LAYN: variants seen among roughly 807,000 people sequenced by gnomAD.
LAYN encodes layilin.
In LAYN, 38 loss-of-function variants were observed where a neutral mutation model predicts 43.6. That is an observed-to-expected ratio of 0.87 (90% CI 0.67 to 1.14). LAYN has a LOEUF of 1.14. LAYN is among the 50% of genes most tolerant of loss of function. The pLI is 0.00. For missense variants in LAYN, 479 were observed against 463.8 expected, an observed-to-expected ratio of 1.03 and a Z score of -0.30; for synonymous variants, 168 against 172.9, an observed-to-expected ratio of 0.97 and a Z score of 0.22.
intron 6 of LAYN, among the ~76,000 whole-genome samples, chr11:111,559,193 G>T (rs1450980691): frequency 6.6e-6 from 1 of 152,110 alleles, no homozygotes; most frequent in South Asian, 2.1e-4. Context: ...TATGTGATTA[G>T]TAATACATGT....
chr11:111,552,287 C>G (rs770744033), intron 3 of LAYN, among the ~76,000 whole-genome samples: 3 of 152,138 alleles, frequency 2.0e-5, no homozygotes, highest in Non-Finnish European at 4.4e-5. Flanking sequence ...CTATAAGGAT[C>G]GTAGCACCTC....
At chr11:111,541,080 T>G (rs1319561636) in intron 1 of LAYN, 152 bp downstream of exon 1, 2 of 728,714 alleles carry the variant, frequency 2.7e-6, no homozygotes, top group Non-Finnish European at 4.4e-6. Context: ...TCTTGCGTTC[T>G]GGGGGCAGTC....
chr11:111,541,630 CG>C, intron 1 of LAYN: 13 of 1,513,796 alleles, frequency 8.6e-6, no homozygotes, highest in Non-Finnish European at 1.2e-5. Context: ...TTCTGCATGT[CG>C]GGGGGAGAAC....
chr11:111,554,562 G>T lies in LAYN; in HGVS notation c.543G>T (p.Glu181Asp). 1 of 1,612,368 alleles carries T rather than the reference G, an allele frequency of 6.2e-7. No homozygotes were observed. Residue 181 changes from glutamate (E) to aspartate (D), a missense_variant and splice_region_variant, in exon 4 of 7, where the codon GAG becomes GAT. Coordinates refer to ENST00000375614, the MANE Select transcript of LAYN (RefSeq NM_178834.5). ...TGTTTTTGTTTCTTTCTACTACAGA[G>T]AAACCAGCAGTTCCTTCTAGAGAAG... Reference protein sequence around the residue: ...KNNFICKYSDEKPAVPSREAE... With the variant: ...KNNFICKYSDDKPAVPSREAE...
chr11:111,541,352 A>C, intron 1 of LAYN: 1 of 611,696 alleles, frequency 1.6e-6, no homozygotes, highest in Non-Finnish European at 2.9e-6. Flanking sequence ...AGGCGGCCGC[A>C]GAGACAGCGG....
intron 3 of LAYN, among the ~76,000 whole-genome samples, chr11:111,550,406 C>T (rs895760690): frequency 1.3e-5 from 2 of 152,164 alleles, no homozygotes; most frequent in African/African-American, 4.8e-5. Context: ...CCAGACTTCT[C>T]CATTATAACT....
intron 2 of LAYN, among the ~76,000 whole-genome samples, chr11:111,546,088 G>A (rs562442656): frequency 6.6e-6 from 1 of 152,298 alleles, no homozygotes; most frequent in Admixed American, 6.5e-5. Flanking sequence ...TACTAGCACT[G>A]GGGTGGCTAA....
intron 6 of LAYN, among the ~76,000 whole-genome samples, chr11:111,559,522 C>A (rs115089273): frequency 5.9e-5 from 9 of 151,732 alleles, no homozygotes; most frequent in Admixed American, 1.3e-4. Flanking sequence ...TGGAGTGCAG[C>A]GGTACCATCA....
intron 2 of LAYN, among the ~76,000 whole-genome samples, chr11:111,547,336 A>G (rs571365020): frequency 1.6e-4 from 24 of 152,334 alleles, no homozygotes; most frequent in African/African-American, 4.3e-4. Flanking sequence ...CATCCAGTGT[A>G]CTAACCACTT....
At chr11:111,554,277 GT>G (rs1867795546) in intron 3 of LAYN, among the ~76,000 whole-genome samples, 1 of 152,144 alleles carries the variant, frequency 6.6e-6, no homozygotes, top group Non-Finnish European at 1.5e-5. Context: ...CATTATACCA[GT>G]TTTTCTACTT....
chr11:111,544,809 T>C (rs1401023575), intron 2 of LAYN, among the ~76,000 whole-genome samples: 2 of 152,044 alleles, frequency 1.3e-5, no homozygotes, highest in Admixed American at 6.6e-5. Context: ...GACATGAGAC[T>C]AGGAGAATGC....
Position 111,549,665 on chromosome 11 carries a change from T to C in LAYN, c.431T>C (p.Val144Ala). 8.1e-6 allele frequency: 13 copies of C among 1,602,118 alleles called. No homozygotes were observed. The highest frequency in any genetic ancestry group is 1.1e-5 in the Non-Finnish European group (13 of 1,175,426). Residue 144 changes from valine to alanine, a missense_variant, in exon 3 of 7, where the codon GTC (valine) becomes GCC (alanine). Val to Ala is a moderately conservative substitution (Grantham distance 64). Transcript: ENST00000375614. ...EPSCGSEVCV[V>A]MYHQPSAPAG... is the part of the protein sequence containing the mutation. The stretch of plus-strand genomic sequence containing the variant: ...TCCTGCGGCAGCGAGGTCTGCGTGG[T>C]CATGTACCATCAGCCATCGGCACCC...
chr11:111,555,304 T>G lies in LAYN; in HGVS notation c.658+14T>G, dbSNP rs200495018. 5 of 1,576,538 alleles carry G rather than the reference T, an allele frequency of 3.2e-6. No individual in the cohort carries two copies. Among genetic ancestry groups the G allele is most frequent in the East Asian group, 2.2e-5 (1 of 44,636 alleles). The stretch of plus-strand genomic sequence containing the variant: ...AAGAAAGTAGAGGTATCTACAAAAC[T>G]CTCCTGGGAAAGATGAATAATCAGG... On this transcript the variant is annotated intron_variant, in intron 5 of 6. Coordinates refer to ENST00000375614, the MANE Select transcript of LAYN (RefSeq NM_178834.5).
rs1444598334 is a variant in LAYN at position 111,540,848 on chromosome 11, G to A, written c.5G>A (p.Arg2Lys). Residue 2 changes from arginine to lysine, a missense_variant, in exon 1 of 7, where the codon AGG becomes AAG. By Grantham distance (26) the Arg-to-Lys change is conservative. Transcript: ENST00000375614. ...GGGGCGCACCCGAGTCGGGCCATGA[G>A]GCCGGGAACCGCGCTACAGGCCGTG... M[R>K]PGTALQAVLL... 6.5e-7 allele frequency: 1 copy of A among 1,529,588 alleles called. No homozygotes were observed. Among genetic ancestry groups the A allele is most frequent in the Admixed American group, 2.0e-5 (1 of 50,782 alleles). The allele number at this position is 1,529,588 out of a possible 1,614,324, so 94.8% of individuals were successfully genotyped here.
chr11:111,551,667 A>G lies in LAYN; in HGVS notation c.541+1892A>G, dbSNP rs1591568050. On this transcript the variant is annotated intron_variant, in intron 3 of 6. Coordinates refer to ENST00000375614, the MANE Select transcript of LAYN (RefSeq NM_178834.5). ...AATTTCTGTTTCCTGTGCTTGAAAC[A>G]CCCCTTTCCCAGCCAACTCATTCTC... 2.0e-5 allele frequency among the ~76,000 whole-genome samples: 3 copies of G among 151,934 alleles called. No homozygotes were observed. The South Asian group carries it at 6.2e-4, about 31-fold the overall frequency.
Position 111,560,107 on chromosome 11 carries a change from G to C in LAYN, c.774G>C (p.Gln258His). The C allele has an allele frequency of 6.2e-7, 1 of 1,608,776 alleles. No homozygotes were observed. The highest frequency in any genetic ancestry group is 8.5e-7 in the Non-Finnish European group (1 of 1,176,728). ...VWICRKRKREQPDPSTKKQHT... is the reference protein window; with the variant it reads ...VWICRKRKREHPDPSTKKQHT... ...TCTTTCTTCCTAGAAAACGGGAGCA[G>C]CCAGACCCTAGCACAAAGAAGCAAC... The change falls in exon 7 of 7, where the codon CAG (glutamine) becomes CAC (histidine). Residue 258 changes from glutamine (Q) to histidine (H), a missense_variant. Physicochemically the swap from Gln to His is conservative, Grantham distance 24. Transcript: ENST00000375614.
intron 4 of LAYN, among the ~76,000 whole-genome samples, chr11:111,554,907 G>A (rs1424821672): frequency 6.6e-6 from 1 of 152,158 alleles, no homozygotes; most frequent in East Asian, 1.9e-4. Context: ...TTAATTTATG[G>A]TCCTAGAAGT....
At chr11:111,541,143 G>A (rs1332047607) in intron 1 of LAYN, among the ~76,000 whole-genome samples, 3 of 152,238 alleles carry the variant, frequency 2.0e-5, no homozygotes, top group Admixed American at 6.5e-5. Context: ...TTCCCTGCGC[G>A]TCCTGGAACG....
At chr11:111,541,156 C>G (rs1867529309) in intron 1 of LAYN, among the ~76,000 whole-genome samples, 1 of 152,238 alleles carries the variant, frequency 6.6e-6, no homozygotes, top group South Asian at 2.1e-4. Context: ...CTGGAACGCT[C>G]GAAGCCCGTT....
Sources: allele counts gnomAD v4.1 joint callset (sites outside exome capture counted in the v4.1 genomes callset), GRCh38; gene constraint gnomAD v4.1.1; transcripts MANE v1.5; gene names NCBI Gene and HGNC (gene_info 2026-07-23, HGNC 2026-07-21).